SIPA1L1: variants seen among roughly 807,000 people sequenced by gnomAD.
SIPA1L1 encodes signal-induced proliferation-associated 1-like protein 1.
Under a neutral mutation model 162.7 loss-of-function variants are expected in SIPA1L1, and 26 were observed. The observed-to-expected ratio is 0.16, with a 90% confidence interval of 0.12 to 0.22. The LOEUF is 0.22. Among genes scored for constraint, SIPA1L1 ranks in the 10% least tolerant of loss-of-function variants. The pLI, the probability that SIPA1L1 is intolerant of heterozygous loss-of-function variation, is 1.00. For missense variants in SIPA1L1, 1,874 were observed against 2,241.0 expected (o/e 0.84, Z 3.31); for synonymous variants, 829 against 837.4 (o/e 0.99, Z 0.17).
At chr14:71,735,911 C>G (rs2085247249) in intron 22 of SIPA1L1, among the ~76,000 whole-genome samples, 1 of 152,242 alleles carries the variant, frequency 6.6e-6, no homozygotes, top group East Asian at 1.9e-4. Flanking sequence ...CAGTCAGGAG[C>G]AGGGACTTTA....
intron 4 of SIPA1L1, among the ~76,000 whole-genome samples, chr14:71,571,734 C>T (rs1188780559): frequency 2.0e-5 from 3 of 151,846 alleles, no homozygotes; most frequent in Non-Finnish European, 4.4e-5. Context: ...CTCCGCCTCC[C>T]GGGTTCACAC....
At position 71,672,575 on chromosome 14, in the gene SIPA1L1, G is replaced by A. The variant is rs771015195; in HGVS notation, c.3057G>A (p.Thr1019=). Reference sequence around the variant, plus strand: ...TCGACCTCCTGAGAACATCTGTCACGGTGAAGGTTGTCATCATTCCCCCGC... The same window carrying A: ...TCGACCTCCTGAGAACATCTGTCACAGTGAAGGTTGTCATCATTCCCCCGC... ...QMIDLLRTSV[T]VKVVIIPPHD... Residue 1019 remains threonine, a synonymous_variant, in exon 12 of 24, where the codon ACG becomes ACA. Coordinates refer to ENST00000381232, the MANE Select transcript of SIPA1L1 (RefSeq NM_001386936.1). 19 of 1,614,072 alleles carry A rather than the reference G, an allele frequency of 1.2e-5. No homozygotes were observed. The highest frequency in any genetic ancestry group is 4.0e-5 in the African/African-American group (3 of 74,930).
chr14:71,529,503 A>G, intron 4 of SIPA1L1, 133 bp downstream of exon 4: 2 of 517,700 alleles, frequency 3.9e-6, no homozygotes, highest in East Asian at 2.9e-5. Flanking sequence ...CAAAGAGATG[A>G]AGTCGTTTGT....
At chr14:71,624,432 T>C (rs767006865) in intron 7 of SIPA1L1, among the ~76,000 whole-genome samples, 196 bp downstream of exon 7, 1 of 152,230 alleles carries the variant, frequency 6.6e-6, no homozygotes, top group Non-Finnish European at 1.5e-5. Context: ...AAATTCTGCA[T>C]GTCAGAATTT....
chr14:71,730,547 A>G (rs985229834), intron 20 of SIPA1L1, among the ~76,000 whole-genome samples: 1 of 152,202 alleles, frequency 6.6e-6, no homozygotes, highest in Non-Finnish European at 1.5e-5. Context: ...TTGAATCTCC[A>G]AAAGAATAGT....
chr14:71,338,198 C>T (rs1170199514), intron 2 of SIPA1L1, among the ~76,000 whole-genome samples: 2 of 152,112 alleles, frequency 1.3e-5, no homozygotes, highest in Admixed American at 6.6e-5. Context: ...TATTGTGTTG[C>T]GCACTTAAAG....
intron 2 of SIPA1L1, among the ~76,000 whole-genome samples, chr14:71,348,767 T>G (rs1037792936): frequency 6.6e-6 from 1 of 152,244 alleles, no homozygotes; most frequent in Non-Finnish European, 1.5e-5. Flanking sequence ...TTTCTTAGTA[T>G]CTTTTATGGT....
chr14:71,676,467 CTTT>C (rs201499028), intron 12 of SIPA1L1, among the ~76,000 whole-genome samples: 2 of 138,126 alleles, frequency 1.4e-5, no homozygotes, highest in Admixed American at 7.2e-5. Context: ...AGGCATTTTC[CTTT>C]TTTTTTTTTT....
At chr14:71,393,552 A>G (rs1355944247) in intron 2 of SIPA1L1, among the ~76,000 whole-genome samples, 1 of 152,282 alleles carries the variant, frequency 6.6e-6, no homozygotes, top group East Asian at 1.9e-4. Flanking sequence ...TCATGTCTGT[A>G]ATCCCAGCAC....
chr14:71,716,129 A>T (rs1386227437), intron 17 of SIPA1L1, among the ~76,000 whole-genome samples: 2 of 84,460 alleles, frequency 2.4e-5, no homozygotes, highest in Admixed American at 2.7e-4. Context: ...CAACTTAATC[A>T]TCCCTACTTC....
At chr14:71,679,624 A>G (rs1159494091) in intron 12 of SIPA1L1, among the ~76,000 whole-genome samples, 3 of 152,254 alleles carry the variant, frequency 2.0e-5, no homozygotes, top group Admixed American at 2.0e-4. Context: ...GCTCCAATTA[A>G]AAGACACAGA....
chr14:71,681,899 A>G (rs1444600465), intron 12 of SIPA1L1, among the ~76,000 whole-genome samples: 1 of 152,240 alleles, frequency 6.6e-6, no homozygotes, highest in Non-Finnish European at 1.5e-5. Context: ...CCATTAATTT[A>G]GGGTTTCAGC....
At chr14:71,324,446 C>G (rs1030013657) in intron 2 of SIPA1L1, among the ~76,000 whole-genome samples, 3 of 152,160 alleles carry the variant, frequency 2.0e-5, no homozygotes, top group Admixed American at 1.3e-4. Context: ...TTTCTCCCCC[C>G]ACTTAAGAGT....
At chr14:71,427,896 G>C (rs1348523610) in intron 2 of SIPA1L1, among the ~76,000 whole-genome samples, 1 of 151,164 alleles carries the variant, frequency 6.6e-6, no homozygotes, top group African/African-American at 2.4e-5. Flanking sequence ...TATTTTTCAG[G>C]GTCAGTTTTT....
At chr14:71,486,229 T>G (rs2048746183) in intron 2 of SIPA1L1, among the ~76,000 whole-genome samples, 1 of 152,262 alleles carries the variant, frequency 6.6e-6, no homozygotes, top group African/African-American at 2.4e-5. Flanking sequence ...CAATGAAATT[T>G]CTGTTTGACT....
At chr14:71,407,608 A>G (rs553435429) in intron 2 of SIPA1L1, among the ~76,000 whole-genome samples, 63 of 151,502 alleles carry the variant, frequency 4.2e-4, no homozygotes, top group African/African-American at 1.5e-3. Flanking sequence ...CTGGGCCCCA[A>G]TGATCCTCCC....
chr14:71,536,848 C>T (rs2053947466), intron 4 of SIPA1L1, among the ~76,000 whole-genome samples: 1 of 152,162 alleles, frequency 6.6e-6, no homozygotes, highest in African/African-American at 2.4e-5. Flanking sequence ...TTTTAAGCAT[C>T]ACATTGAGAT....
rs1428491177 is a variant in SIPA1L1 at position 71,644,129 on chromosome 14, T to C, written c.1819-6206T>C. ...CCAACAAATGGTAGTTTCTTAAAGG[T>C]TGATAGCTATGTGGAATCTGAAATC... On this transcript the variant is annotated intron_variant, in intron 7 of 23. Transcript: ENST00000381232. Among the ~76,000 whole-genome samples, 5 of 150,910 alleles carry C rather than the reference T, an allele frequency of 3.3e-5. No homozygotes were observed. The East Asian group carries it at 9.9e-4, about 30-fold the overall frequency.
At chr14:71,465,873 G>A (rs2046954564) in intron 2 of SIPA1L1, among the ~76,000 whole-genome samples, 1 of 152,202 alleles carries the variant, frequency 6.6e-6, no homozygotes, top group Admixed American at 6.5e-5. Flanking sequence ...AGGGCAGGAA[G>A]CATCCAGCAT....
Sources: gnomAD v4.1 joint callset for allele counts (sites outside exome capture counted in the v4.1 genomes callset) on GRCh38, gnomAD v4.1.1 for gene constraint, MANE v1.5 for transcripts, NCBI Gene and HGNC (gene_info 2026-07-23, HGNC 2026-07-21) for gene names.